Variants in ARHGAP44 observed in about 807,000 individuals in gnomAD.
ARHGAP44 encodes Rho GTPase activating protein 44.
Under a neutral mutation model 106.8 loss-of-function variants are expected in ARHGAP44, and 43 were observed. The ratio of observed to expected loss-of-function variants is 0.40; its 90% confidence interval spans 0.32 to 0.52. The LOEUF is 0.52. Ranked by LOEUF, ARHGAP44 falls within the 20% of genes least tolerant of loss-of-function variation. The probability of loss-of-function intolerance (pLI) is 0.48; values close to 1 mark genes in which losing one functional copy is unlikely to be tolerated. For missense variants in ARHGAP44, 866 were observed against 1,050.5 expected, an observed-to-expected ratio of 0.82 and a Z score of 2.43; for synonymous variants, 439 against 410.3, an observed-to-expected ratio of 1.07 and a Z score of -0.85.
In ARHGAP44 at chr17:12,974,140, G is replaced by T; in HGVS notation, c.1593G>T (p.Ser531=). 2 of 1,565,188 alleles carry T rather than the reference G, an allele frequency of 1.3e-6. No individual in the cohort carries two copies. The highest frequency in any genetic ancestry group is 2.4e-5 in the East Asian group (1 of 41,994). Reference sequence around the variant, plus strand: ...ACTGGGTGGCTCGAAGAGGCTCCTCGGCCGGTCGGAAAGTGTCCTGCGCCC... The same window carrying T: ...ACTGGGTGGCTCGAAGAGGCTCCTCTGCCGGTCGGAAAGTGTCCTGCGCCC... ...DTNWVARRGS[S]AGRKVSCAPP... is the part of the protein sequence containing the mutation. The change falls in exon 18 of 21, where the codon TCG becomes TCT. Residue 531 remains serine (S), a synonymous_variant. Coordinates refer to ENST00000379672, the MANE Select transcript of ARHGAP44 (RefSeq NM_014859.6).
chr17:12,960,319 CA>C (rs2039231016), intron 16 of ARHGAP44, among the ~76,000 whole-genome samples: 1 of 152,056 alleles, frequency 6.6e-6, no homozygotes, highest in South Asian at 2.1e-4. Context: ...CCTATAATCC[CA>C]ACACTGGGAG....
intron 7 of ARHGAP44, among the ~76,000 whole-genome samples, chr17:12,938,392 A>G (rs1288264964): frequency 6.6e-6 from 1 of 152,112 alleles, no homozygotes; most frequent in Non-Finnish European, 1.5e-5. Context: ...TTCTTAAAAT[A>G]CATTATACAG....
chr17:12,813,198 G>A (rs968057009), intron 1 of ARHGAP44, among the ~76,000 whole-genome samples: 2 of 152,154 alleles, frequency 1.3e-5, no homozygotes, highest in Non-Finnish European at 2.9e-5. Flanking sequence ...GAGGAGAGTC[G>A]GGAAGGAAAT....
At chr17:12,794,072 G>A (rs1371111532) in intron 1 of ARHGAP44, among the ~76,000 whole-genome samples, 3 of 152,196 alleles carry the variant, frequency 2.0e-5, no homozygotes, top group Non-Finnish European at 4.4e-5. Flanking sequence ...GGAGAATTTG[G>A]TTCTTGCCTG....
intron 18 of ARHGAP44, among the ~76,000 whole-genome samples, chr17:12,978,343 A>G (rs1394442545): frequency 2.6e-5 from 4 of 151,600 alleles, no homozygotes; most frequent in Non-Finnish European, 5.9e-5. Flanking sequence ...TCTGTTTTTC[A>G]TGAACAGAAT....
intron 1 of ARHGAP44, among the ~76,000 whole-genome samples, chr17:12,791,346 G>A (rs893860272): frequency 6.6e-6 from 1 of 152,188 alleles, no homozygotes. Flanking sequence ...TGCCGAGATA[G>A]TGTTTCCTGG....
chr17:12,972,341 A>G (rs1049322528), intron 16 of ARHGAP44, among the ~76,000 whole-genome samples: 2 of 152,142 alleles, frequency 1.3e-5, no homozygotes, highest in Admixed American at 6.5e-5. Context: ...CTGCTAGTCT[A>G]TGTAACTTAG....
chr17:12,815,129 A>AT (rs111484599), intron 1 of ARHGAP44, among the ~76,000 whole-genome samples: 56 of 147,636 alleles, frequency 3.8e-4, no homozygotes, highest in South Asian at 1.5e-3. Context: ...TGTTCTTTTG[A>AT]TTTTTTTTTT....
chr17:12,945,523 C>T (rs942868005), intron 10 of ARHGAP44, among the ~76,000 whole-genome samples: 2 of 151,986 alleles, frequency 1.3e-5, no homozygotes, highest in East Asian at 1.9e-4. Flanking sequence ...AACTTATTGC[C>T]GGAGATGAAT....
At chr17:12,816,755 C>T (rs959022523) in intron 1 of ARHGAP44, among the ~76,000 whole-genome samples, 2 of 151,978 alleles carry the variant, frequency 1.3e-5, no homozygotes, top group African/African-American at 2.4e-5. Context: ...GCTCAAAATA[C>T]ATGAAGAAAA....
chr17:12,876,622 G>A (rs56675356), intron 1 of ARHGAP44, among the ~76,000 whole-genome samples: 28,896 of 151,842 alleles, frequency 0.19, 2,759 homozygotes, highest in Middle Eastern at 0.24. Flanking sequence ...TGGGTTAGAA[G>A]GATATTGTGG....
At chr17:12,939,594 T>A (rs1477242207) in intron 7 of ARHGAP44, among the ~76,000 whole-genome samples, 1 of 151,904 alleles carries the variant, frequency 6.6e-6, no homozygotes, top group African/African-American at 2.4e-5. Flanking sequence ...GCCTCCAGAG[T>A]AGCTGGGACT....
At chr17:12,977,190 G>A (rs928147170) in intron 18 of ARHGAP44, among the ~76,000 whole-genome samples, 2 of 151,904 alleles carry the variant, frequency 1.3e-5, no homozygotes, top group Non-Finnish European at 2.9e-5. Context: ...CGGGCTGACC[G>A]GTTTAGTAAC....
At chr17:12,905,528 G>T (rs905795584) in intron 3 of ARHGAP44, among the ~76,000 whole-genome samples, 3 of 152,108 alleles carry the variant, frequency 2.0e-5, no homozygotes, top group Non-Finnish European at 4.4e-5. Flanking sequence ...TCCAGTGGCC[G>T]GTCTTGTCCT....
At chr17:12,908,111 A>G (rs2037613131) in intron 3 of ARHGAP44, among the ~76,000 whole-genome samples, 1 of 137,988 alleles carries the variant, frequency 7.2e-6, no homozygotes, top group Non-Finnish European at 1.6e-5. Flanking sequence ...GTGTGTCTTT[A>G]TTTTCATGCT....
At chr17:12,885,203 C>A (rs1390846216) in intron 1 of ARHGAP44, among the ~76,000 whole-genome samples, 1 of 152,194 alleles carries the variant, frequency 6.6e-6, no homozygotes, top group Non-Finnish European at 1.5e-5. Context: ...CCAGCACCTG[C>A]TGAGCATATT....
At chr17:12,965,081 C>T (rs2039357598) in intron 16 of ARHGAP44, among the ~76,000 whole-genome samples, 1 of 152,160 alleles carries the variant, frequency 6.6e-6, no homozygotes, top group South Asian at 2.1e-4. Flanking sequence ...TAGTTCTAGC[C>T]TCTCGTAGCC....
intron 1 of ARHGAP44, among the ~76,000 whole-genome samples, chr17:12,818,919 C>A (rs2034680248): frequency 1.3e-5 from 2 of 152,040 alleles, no homozygotes; most frequent in Admixed American, 6.6e-5. Context: ...TACAGACAAG[C>A]CGACTCTAAA....
At chr17:12,851,900 G>A (rs775533507) in intron 1 of ARHGAP44, among the ~76,000 whole-genome samples, 17 of 151,970 alleles carry the variant, frequency 1.1e-4, no homozygotes, top group Admixed American at 1.0e-3. Context: ...GAATATAATC[G>A]TTTGGTGGAA....
Sources: allele counts gnomAD v4.1 joint callset (sites outside exome capture counted in the v4.1 genomes callset), GRCh38; gene constraint gnomAD v4.1.1; transcripts MANE v1.5; gene names NCBI Gene and HGNC (gene_info 2026-07-23, HGNC 2026-07-21).